RBFOX1: variants seen among roughly 807,000 people sequenced by gnomAD.
The protein encoded by RBFOX1 is RNA binding fox-1 homolog 1, also known as RNA binding protein fox-1 homolog 1.
RBFOX1 carries 8 observed loss-of-function variants against 57.7 expected under a neutral mutation model. The observed-to-expected ratio is 0.14, with a 90% CI of 0.08 to 0.25. The LOEUF (loss-of-function observed/expected upper bound fraction) is 0.25, where lower values mean the gene tolerates loss of function less well. Ranked by LOEUF, RBFOX1 falls within the 10% of genes least tolerant of loss-of-function variation. The probability of loss-of-function intolerance (pLI) is 1.00; values close to 1 mark genes in which losing one functional copy is unlikely to be tolerated. For synonymous variants in RBFOX1, 326 were observed against 222.4 expected, an observed-to-expected ratio of 1.47 and a Z score of -4.15; for missense variants, 611 against 548.5, an observed-to-expected ratio of 1.11 and a Z score of -1.14.
chr16:6,233,573 T>C (rs1259258919), intron 1 of RBFOX1, among the ~76,000 whole-genome samples: 1 of 152,164 alleles, frequency 6.6e-6, no homozygotes, highest in Non-Finnish European at 1.5e-5. Flanking sequence ...CCTCACCCTC[T>C]ACATTGTTCA....
chr16:7,400,843 A>G (rs1009288941), intron 4 of RBFOX1, among the ~76,000 whole-genome samples: 1 of 152,212 alleles, frequency 6.6e-6, no homozygotes, highest in African/African-American at 2.4e-5. Context: ...GCGCTTGCCC[A>G]TTAAGTGATA....
chr16:7,688,206 C>A (rs1243919387), intron 14 of RBFOX1, among the ~76,000 whole-genome samples: 2 of 140,196 alleles, frequency 1.4e-5, no homozygotes, highest in African/African-American at 2.7e-5. Context: ...TAGTAGGCAT[C>A]CTTGGCAGGT....
chr16:5,839,417 C>A (rs2056557705), intron 3 of RBFOX1, among the ~76,000 whole-genome samples: 1 of 152,176 alleles, frequency 6.6e-6, no homozygotes, highest in Non-Finnish European at 1.5e-5. Flanking sequence ...GCCCTCTCCA[C>A]AGCCACTAAG....
At chr16:7,679,668 T>G (rs1483656269) in intron 14 of RBFOX1, among the ~76,000 whole-genome samples, 2 of 152,024 alleles carry the variant, frequency 1.3e-5, no homozygotes, top group African/African-American at 2.4e-5. Context: ...TGAAAAATAT[T>G]GAACTCCAGT....
Position 5,967,419 on chromosome 16 carries a change from C to T in RBFOX1, c.351+100084C>T, listed in dbSNP as rs563907600. Among the ~76,000 whole-genome samples the T allele has an allele frequency of 7.9e-5, 12 of 152,176 alleles. No homozygotes were observed. The South Asian group carries it at 2.3e-3, about 29-fold the overall frequency. ...AGGCTCATTTTATACATTTCTTAAC[C>T]CGGTATTGGAATCAGTAATTTCTCC... On this transcript the variant is annotated intron_variant, in intron 4 of 19. Transcript: ENST00000641259.
intron 3 of RBFOX1, among the ~76,000 whole-genome samples, chr16:6,874,738 G>A (rs909993005): frequency 6.6e-5 from 10 of 151,828 alleles, no homozygotes; most frequent in African/African-American, 1.9e-4. Context: ...GGACACAAAA[G>A]CATAAAAAAT....
chr16:6,280,775 C>T (rs1445210740), intron 1 of RBFOX1, among the ~76,000 whole-genome samples: 1 of 152,028 alleles, frequency 6.6e-6, no homozygotes, highest in Non-Finnish European at 1.5e-5. Flanking sequence ...ATCTGAAGGG[C>T]TCACAGCTAC....
chr16:6,557,029 ATATACACATATATATACAT>A (rs1228725419), intron 2 of RBFOX1, among the ~76,000 whole-genome samples: 11 of 129,534 alleles, frequency 8.5e-5, no homozygotes, highest in South Asian at 4.4e-4. Flanking sequence ...ATATATACAT[ATATACACATATATATACAT>A]ATATATACAT....
chr16:7,364,242 C>T (rs1032490912), intron 4 of RBFOX1, among the ~76,000 whole-genome samples: 1 of 152,144 alleles, frequency 6.6e-6, no homozygotes, highest in East Asian at 1.9e-4. Flanking sequence ...TTCCCATCTT[C>T]TAAGCACTTG....
chr16:7,299,413 C>T (rs1310123845), intron 4 of RBFOX1, among the ~76,000 whole-genome samples: 1 of 152,190 alleles, frequency 6.6e-6, no homozygotes, highest in Non-Finnish European at 1.5e-5. Flanking sequence ...CCTGGACTCA[C>T]TGACAACCCA....
chr16:7,476,228 C>T (rs1213812778), intron 4 of RBFOX1, among the ~76,000 whole-genome samples: 1 of 152,208 alleles, frequency 6.6e-6, no homozygotes. Context: ...CCACCTAGGC[C>T]TCCCAAAGTG....
intron 4 of RBFOX1, among the ~76,000 whole-genome samples, chr16:5,921,764 A>G (rs2058827125): frequency 6.6e-6 from 1 of 152,178 alleles, no homozygotes; most frequent in African/African-American, 2.4e-5. Flanking sequence ...GAAGCTTCCA[A>G]TTATGGTGGA....
intron 2 of RBFOX1, among the ~76,000 whole-genome samples, chr16:6,320,104 G>T (rs1041348861): frequency 6.6e-6 from 1 of 152,084 alleles, no homozygotes; most frequent in African/African-American, 2.4e-5. Flanking sequence ...AGGTTGGGAG[G>T]AGGTTGAGGG....
chr16:6,658,752 T>C (rs1251407548), intron 3 of RBFOX1, among the ~76,000 whole-genome samples: 2 of 152,098 alleles, frequency 1.3e-5, no homozygotes, highest in African/African-American at 4.8e-5. Flanking sequence ...TATGTTTTTC[T>C]TTCGCTTCCA....
intron 4 of RBFOX1, among the ~76,000 whole-genome samples, chr16:7,382,276 GATTT>G (rs1169658406): frequency 6.6e-6 from 1 of 152,124 alleles, no homozygotes; most frequent in Middle Eastern, 3.2e-3. Context: ...TAACAGTTGA[GATTT>G]ATCTCATTTC....
At chr16:7,231,359 T>C (rs1287992282) in intron 4 of RBFOX1, among the ~76,000 whole-genome samples, 1 of 151,958 alleles carries the variant, frequency 6.6e-6, no homozygotes. Flanking sequence ...TAAACTGGAG[T>C]ATTAGAGAAT....
intron 4 of RBFOX1, among the ~76,000 whole-genome samples, chr16:7,395,919 A>G (rs1220009603): frequency 1.3e-5 from 2 of 152,202 alleles, no homozygotes; most frequent in Non-Finnish European, 2.9e-5. Context: ...TGCCAGGGTT[A>G]TCCAAAATAT....
intron 3 of RBFOX1, among the ~76,000 whole-genome samples, chr16:6,775,235 C>T (rs562190569): frequency 1.4e-5 from 2 of 143,570 alleles, no homozygotes; most frequent in South Asian, 4.4e-4. Flanking sequence ...ACTCGGGAGG[C>T]AGGAGAAAGG....
intron 2 of RBFOX1, among the ~76,000 whole-genome samples, chr16:6,624,564 T>A (rs764324393): frequency 2.0e-5 from 3 of 152,174 alleles, no homozygotes; most frequent in Non-Finnish European, 4.4e-5. Context: ...AGTGAGGACG[T>A]CTTTCCTTCA....
Sources: allele counts gnomAD v4.1 joint callset (sites outside exome capture counted in the v4.1 genomes callset), GRCh38; gene constraint gnomAD v4.1.1; transcripts MANE v1.5; gene names NCBI Gene and HGNC (gene_info 2026-07-23, HGNC 2026-07-21).